Variants in LIPI observed in about 807,000 individuals in gnomAD.
LIPI encodes the protein lipase member I.
In LIPI, 59 loss-of-function variants were observed where a neutral mutation model predicts 50.6. The ratio of observed to expected loss-of-function variants is 1.16; its 90% CI spans 0.94 to 1.45. LIPI has a LOEUF of 1.45. LIPI is among the 40% of genes most tolerant of loss of function. LIPI has a pLI of 0.00. For missense variants in LIPI, 586 were observed against 536.3 expected (o/e 1.09, Z -0.92); for synonymous variants, 203 against 178.2 (o/e 1.14, Z -1.11).
chr21:14,144,235 G>T (rs2017818156), intron 9 of LIPI: 1 of 158,906 alleles, frequency 6.3e-6, no homozygotes, highest in Non-Finnish European at 1.4e-5. Flanking sequence ...GTGACCATAT[G>T]TTTCCTTAGA....
intron 4 of LIPI, among the ~76,000 whole-genome samples, chr21:14,174,078 A>T (rs1383687643): frequency 6.6e-6 from 1 of 152,176 alleles, no homozygotes; most frequent in Middle Eastern, 3.2e-3. Context: ...GAGTTCCAAG[A>T]CTAGGGGTTT....
At position 14,210,266 on chromosome 21, in the gene LIPI, C is replaced by T. The variant is rs565101199; in HGVS notation, c.46+534G>A. 1.2e-4 allele frequency among the ~76,000 whole-genome samples: 19 copies of T among 152,048 alleles called. No homozygotes were observed. The South Asian group carries it at 1.5e-3, about 12-fold the overall frequency. On this transcript the variant is annotated intron_variant, in intron 1 of 9. Transcript: ENST00000681601. Reference sequence around the variant, plus strand: ...AATATTGATAAACTTTATTACTGTACGCCAATAAACCAGAATAAAGTTCTA... The same window carrying T: ...AATATTGATAAACTTTATTACTGTATGCCAATAAACCAGAATAAAGTTCTA...
intron 9 of LIPI, among the ~76,000 whole-genome samples, chr21:14,139,412 A>G (rs1303399283): frequency 6.6e-6 from 1 of 152,114 alleles, no homozygotes; most frequent in Non-Finnish European, 1.5e-5. Flanking sequence ...CATGTCTATT[A>G]ATCATTTTTT....
At chr21:14,126,401 A>C (rs2017067726) in intron 9 of LIPI, among the ~76,000 whole-genome samples, 1 of 152,196 alleles carries the variant, frequency 6.6e-6, no homozygotes, top group Admixed American at 6.5e-5. Flanking sequence ...AACATAGATA[A>C]ATTTTATATG....
At chr21:14,153,170 C>T (rs564164088) in intron 7 of LIPI, among the ~76,000 whole-genome samples, 1 of 152,220 alleles carries the variant, frequency 6.6e-6, no homozygotes, top group South Asian at 2.1e-4. Flanking sequence ...CATAGCAGTT[C>T]TTATTCAAAT....
At chr21:14,156,388 A>T (rs545008848) in intron 7 of LIPI, among the ~76,000 whole-genome samples, 2 of 151,830 alleles carry the variant, frequency 1.3e-5, no homozygotes, top group Admixed American at 1.3e-4. Context: ...ATATAATATG[A>T]AGACTCAGCC....
chr21:14,122,430 G>A (rs1238907330), intron 9 of LIPI, among the ~76,000 whole-genome samples: 1 of 152,154 alleles, frequency 6.6e-6, no homozygotes. Flanking sequence ...TTGGAACTGG[G>A]AAACTCATAA....
At chr21:14,198,970 C>T (rs1468290607) in intron 1 of LIPI, among the ~76,000 whole-genome samples, 4 of 151,896 alleles carry the variant, frequency 2.6e-5, no homozygotes, top group African/African-American at 9.7e-5. Flanking sequence ...CAAAATGATA[C>T]AATTACATGA....
intron 9 of LIPI, among the ~76,000 whole-genome samples, chr21:14,125,660 T>G (rs1600836688): frequency 6.6e-6 from 1 of 152,076 alleles, no homozygotes; most frequent in African/African-American, 2.4e-5. Flanking sequence ...CAGGTTCAAG[T>G]GATTCTCCTG....
In LIPI at chr21:14,144,851, C is replaced by T. The variant is rs746790770; in HGVS notation, c.1119-52G>A. ...CATATTAATAATTTGAAACATAACT[C>T]AATTCTAAAATCAATATAATCCTAA... On this transcript the variant is annotated intron_variant, in intron 8 of 9. Coordinates refer to ENST00000681601, the MANE Select transcript of LIPI (RefSeq NM_001302998.2). 2.3e-6 allele frequency: 3 copies of T among 1,283,102 alleles called. No homozygotes were observed. The South Asian group carries it at 3.7e-5, about 16-fold the overall frequency. 79.5% of individuals were successfully genotyped at this position (1,283,102 alleles called of 1,614,324 possible).
At chr21:14,166,488 A>G (rs748317447) in intron 4 of LIPI, 37 bp from the exon 5 acceptor site, 1 of 1,050,270 alleles carries the variant, frequency 9.5e-7, no homozygotes, top group Non-Finnish European at 1.5e-6. Flanking sequence ...CAACATGTAT[A>G]TAATCAGGTG....
At chr21:14,110,555 A>G (rs1229644651) in intron 9 of LIPI, among the ~76,000 whole-genome samples, 1 of 152,002 alleles carries the variant, frequency 6.6e-6, no homozygotes, top group Non-Finnish European at 1.5e-5. Context: ...ACCATGCTGC[A>G]CAATAAATCT....
chr21:14,177,121 T>C (rs1047218567), intron 4 of LIPI, among the ~76,000 whole-genome samples: 1 of 152,156 alleles, frequency 6.6e-6, no homozygotes. Context: ...TACTGCATTA[T>C]GTATTTGAAG....
chr21:14,206,794 A>AAT, intron 1 of LIPI: 1 of 1,378,334 alleles, frequency 7.3e-7, no homozygotes, highest in Non-Finnish European at 1.0e-6. Flanking sequence ...ATATGAAGAA[A>AAT]GTGAAGTTAA....
intron 7 of LIPI, among the ~76,000 whole-genome samples, chr21:14,159,368 T>C (rs537016409): frequency 6.6e-6 from 1 of 151,574 alleles, no homozygotes; most frequent in Non-Finnish European, 1.5e-5. Context: ...ATTAATATAG[T>C]TCAACATATC....
chr21:14,138,038 A>ATTTTCTTCAAGCATG (rs1600851149), intron 9 of LIPI, among the ~76,000 whole-genome samples: 2 of 152,262 alleles, frequency 1.3e-5, no homozygotes, highest in East Asian at 3.9e-4. Flanking sequence ...AAGAAGAAAT[A>ATTTTCTTCAAGCATG]AAGACTTTCC....
intron 9 of LIPI, among the ~76,000 whole-genome samples, chr21:14,133,091 T>C (rs2056700835): frequency 6.6e-6 from 1 of 152,082 alleles, no homozygotes; most frequent in Non-Finnish European, 1.5e-5. Flanking sequence ...AAGAAACTAA[T>C]ACATATCCTC....
chr21:14,194,910 T>C (rs185769974), intron 1 of LIPI, among the ~76,000 whole-genome samples: 1 of 152,178 alleles, frequency 6.6e-6, no homozygotes, highest in Non-Finnish European at 1.5e-5. Context: ...TTTGCCTTAC[T>C]GCTGTAAACA....
At chr21:14,140,308 G>A (rs2017659308) in intron 9 of LIPI, among the ~76,000 whole-genome samples, 1 of 152,230 alleles carries the variant, frequency 6.6e-6, no homozygotes, top group African/African-American at 2.4e-5. Flanking sequence ...AGTCTATGAT[G>A]AACCCAGGTT....
Sources: allele counts gnomAD v4.1 joint callset (sites outside exome capture counted in the v4.1 genomes callset), GRCh38; gene constraint gnomAD v4.1.1; transcripts MANE v1.5; gene names NCBI Gene and HGNC (gene_info 2026-07-23, HGNC 2026-07-21).